The following MAT1A variants were observed in gnomAD, a reference collection of about 807,000 sequenced individuals.
The protein encoded by MAT1A is S-adenosylmethionine synthase isoform type-1.
A neutral mutation model predicts 44.0 loss-of-function variants in MAT1A; 19 were observed. That is an observed-to-expected ratio of 0.43 (90% confidence interval 0.30 to 0.63). The LOEUF is 0.63. Ranked by LOEUF, MAT1A falls within the 30% of genes least tolerant of loss-of-function variation. The pLI is 0.12. For missense variants in MAT1A, 397 were observed against 531.0 expected, an observed-to-expected ratio of 0.75 and a Z score of 2.48; for synonymous variants, 205 against 205.6, an observed-to-expected ratio of 1.00 and a Z score of 0.03.
intron 5 of MAT1A, 145 bp downstream of exon 5, chr10:80,280,028 T>C: frequency 1.0e-6 from 1 of 993,432 alleles, no homozygotes; most frequent in Admixed American, 2.2e-5. Context: ...ATTTTTCACA[T>C]AAATAGTTCT....
chr10:80,280,412 T>G, intron 4 of MAT1A, 96 bp from the exon 5 acceptor site: 1 of 1,468,648 alleles, frequency 6.8e-7, no homozygotes, highest in African/African-American at 1.4e-5. Flanking sequence ...TCCACGTTGA[T>G]TGGGTGCCTC....
intron 7 of MAT1A, 52 bp from the exon 8 acceptor site, chr10:80,274,705 C>T (rs1841458728): frequency 6.2e-7 from 1 of 1,612,238 alleles, no homozygotes; most frequent in African/African-American, 1.3e-5. Flanking sequence ...GGGCCCTGCC[C>T]CTTTCAGAAG....
intron 7 of MAT1A, among the ~76,000 whole-genome samples, 180 bp downstream of exon 7, chr10:80,274,837 T>C (rs988471828): frequency 1.2e-4 from 18 of 152,214 alleles, no homozygotes; most frequent in African/African-American, 4.1e-4. Flanking sequence ...TCCCTGAAGA[T>C]TCTGGTTTTC....
At chr10:80,274,742 CG>C in intron 7 of MAT1A, 89 bp from the exon 8 acceptor site, 1 of 1,560,470 alleles carries the variant, frequency 6.4e-7, no homozygotes, top group Non-Finnish European at 8.7e-7. Context: ...AAGGGACCAG[CG>C]GGGACCACAT....
intron 2 of MAT1A, among the ~76,000 whole-genome samples, chr10:80,285,148 T>G (rs1267515763): frequency 6.6e-6 from 1 of 152,168 alleles, no homozygotes; most frequent in African/African-American, 2.4e-5. Flanking sequence ...GGCAGCTACC[T>G]GTGTTTCAAG....
At position 80,278,831 on chromosome 10, in the gene MAT1A, C is replaced by T. The variant is rs146389585; in HGVS notation, c.549+1342G>A. Among the ~76,000 whole-genome samples, 11 of 152,332 alleles carry T rather than the reference C, an allele frequency of 7.2e-5. No homozygotes were observed. The East Asian group carries it at 2.1e-3, about 29-fold the overall frequency. On this transcript the variant is annotated intron_variant, in intron 5 of 8. Coordinates refer to ENST00000372213, the MANE Select transcript of MAT1A (RefSeq NM_000429.3). The stretch of plus-strand genomic sequence containing the variant: ...CACCATGGGTGCCAGATTCCAAGTG[C>T]AGGACAAGAGAAGGCGCTGGCGCTG...
intron 3 of MAT1A, among the ~76,000 whole-genome samples, chr10:80,281,141 C>T (rs1841560961): frequency 6.6e-6 from 1 of 152,146 alleles, no homozygotes; most frequent in Admixed American, 6.5e-5. Context: ...TGACTCATAC[C>T]CTGCCCCTCA....
In MAT1A at chr10:80,273,773, C is replaced by T. The variant is rs2132700463; in HGVS notation, c.*8G>A. The T allele has an allele frequency of 6.2e-7, 1 of 1,602,322 alleles. No individual in the cohort carries two copies. The highest frequency in any genetic ancestry group is 8.5e-7 in the Non-Finnish European group (1 of 1,170,128). ...CCAGGGTGAGACCAGGCCCAGCTCCCCCTGGCTCTAAAATACAAGCTTCCT... is the reference window on the plus strand; with the variant it reads ...CCAGGGTGAGACCAGGCCCAGCTCCTCCTGGCTCTAAAATACAAGCTTCCT... On this transcript the variant is annotated 3_prime_UTR_variant, in exon 9 of 9. Transcript: ENST00000372213.
Position 80,273,779 on chromosome 10 carries a change from C to T in MAT1A, c.*2G>A. Reference sequence around the variant, plus strand: ...TGAGACCAGGCCCAGCTCCCCCTGGCTCTAAAATACAAGCTTCCTGGGAAC... The same window carrying T: ...TGAGACCAGGCCCAGCTCCCCCTGGTTCTAAAATACAAGCTTCCTGGGAAC... On this transcript the variant is annotated 3_prime_UTR_variant, in exon 9 of 9. Transcript: ENST00000372213. 1.2e-6 allele frequency: 2 copies of T among 1,607,688 alleles called. No homozygotes were observed. The highest frequency in any genetic ancestry group is 1.7e-6 in the Non-Finnish European group (2 of 1,174,796).
chr10:80,284,117 G>C, intron 2 of MAT1A, 79 bp from the exon 3 acceptor site: 1 of 1,566,286 alleles, frequency 6.4e-7, no homozygotes, highest in Non-Finnish European at 8.7e-7. Flanking sequence ...ACCTCTCACA[G>C]TGCAGACAGA....
intron 2 of MAT1A, 123 bp downstream of exon 2, chr10:80,285,389 C>G: frequency 2.5e-6 from 2 of 792,776 alleles, no homozygotes; most frequent in Non-Finnish European, 4.6e-6. Context: ...GAGAAATCTA[C>G]TGCAGAGCAG....
Position 80,289,562 on chromosome 10 carries a change from GCCTAAC to G in MAT1A, c.-145_-140del. The G allele has an allele frequency of 1.4e-6, 1 of 714,772 alleles. No homozygotes were observed. The highest frequency in any genetic ancestry group is 1.5e-5 in the South Asian group (1 of 67,450). The allele number at this position is 714,772 out of a possible 1,614,324, so 44.3% of individuals were successfully genotyped here. A position where few individuals can be genotyped will look rare whatever the true frequency, so the allele number is the denominator to read the frequency against. The stretch of plus-strand genomic sequence containing the variant: ...TGGCAGAGCCACGGGGATCACTTCT[GCCTAAC>G]TGCCTGTGAGCACGTGAGAACAGGC... On this transcript the variant is annotated 5_prime_UTR_variant, in exon 1 of 9. Transcript: ENST00000372213.
At chr10:80,279,572 CG>C (rs1841532847) in intron 5 of MAT1A, among the ~76,000 whole-genome samples, 1 of 151,962 alleles carries the variant, frequency 6.6e-6, no homozygotes, top group Admixed American at 6.6e-5. Flanking sequence ...AGGAGGCCTG[CG>C]TCTCCACTAA....
At chr10:80,280,081 C>T (rs555088143) in intron 5 of MAT1A, 92 bp downstream of exon 5, 73 of 1,463,344 alleles carry the variant, frequency 5.0e-5, no homozygotes, top group Non-Finnish European at 3.2e-5. Flanking sequence ...TTGAATATTT[C>T]GATCTTAAAA....
At chr10:80,274,749 C>A (rs771678367) in intron 7 of MAT1A, 96 bp from the exon 8 acceptor site, 7 of 1,535,414 alleles carry the variant, frequency 4.6e-6, no homozygotes, top group South Asian at 1.1e-5. Flanking sequence ...CAGCGGGGAC[C>A]ACATGCCTCT....
chr10:80,275,357 C>T lies in MAT1A; in HGVS notation c.769-158G>A, dbSNP rs560424835. 59 of 685,296 alleles carry T rather than the reference C, an allele frequency of 8.6e-5. 2 individuals are homozygous for T. In the South Asian group the frequency reaches 8.9e-4, roughly 10 times the overall value. The allele number at this position is 685,296 out of a possible 1,614,324, so 42.5% of individuals were successfully genotyped here. ...AGACCCCTTAGCCCAGAACTCTGGA[C>T]TCCACTCCCAGCTCAGTCACTGACA... On this transcript the variant is annotated intron_variant, in intron 6 of 8. Coordinates refer to ENST00000372213, the MANE Select transcript of MAT1A (RefSeq NM_000429.3).
intron 5 of MAT1A, 108 bp from the exon 6 acceptor site, chr10:80,276,702 A>G (rs1456151090): frequency 2.4e-5 from 24 of 1,001,528 alleles, no homozygotes; most frequent in Middle Eastern, 2.0e-4. Flanking sequence ...CCAGGAGCCA[A>G]GTGGGGCCTC....
At chr10:80,288,017 C>T (rs1213525571) in intron 1 of MAT1A, among the ~76,000 whole-genome samples, 4 of 152,160 alleles carry the variant, frequency 2.6e-5, no homozygotes, top group Non-Finnish European at 4.4e-5. Flanking sequence ...CCAGACAGTA[C>T]AAAATGCTCT....
intron 1 of MAT1A, among the ~76,000 whole-genome samples, chr10:80,287,496 C>T (rs144682457): frequency 1.7e-4 from 26 of 152,254 alleles, no homozygotes; most frequent in African/African-American, 5.5e-4. Flanking sequence ...GTACAAGGGA[C>T]GATTAGACAA....
Sources: allele counts gnomAD v4.1 joint callset (sites outside exome capture counted in the v4.1 genomes callset), GRCh38; gene constraint gnomAD v4.1.1; transcripts MANE v1.5; gene names NCBI Gene and HGNC (gene_info 2026-07-23, HGNC 2026-07-21).